Variants in DLG2 observed in about 807,000 individuals in gnomAD.
The protein encoded by DLG2 is discs large MAGUK scaffold protein 2.
In DLG2, 45 loss-of-function variants were observed where a neutral mutation model predicts 132.5. That is an observed-to-expected ratio of 0.34 (90% CI 0.27 to 0.44). The LOEUF (loss-of-function observed/expected upper bound fraction) is 0.44, where lower values mean the gene tolerates loss of function less well. DLG2 is among the 20% of genes least tolerant of loss of function. The probability of loss-of-function intolerance (pLI) is 1.00; values close to 1 mark genes in which losing one functional copy is unlikely to be tolerated. For missense variants in DLG2, 1,045 were observed against 1,196.9 expected (o/e 0.87, Z 1.87); for synonymous variants, 424 against 419.6 (o/e 1.01, Z -0.13).
rs150050082 is a variant in DLG2 at position 85,601,861 on chromosome 11, T to G, written c.-92-3073A>C. Among the ~76,000 whole-genome samples, 7 of 152,342 alleles carry G rather than the reference T, an allele frequency of 4.6e-5. No homozygotes were observed. The East Asian group carries it at 1.3e-3, about 29-fold the overall frequency. On this transcript the variant is annotated intron_variant, in intron 2 of 27. Transcript: ENST00000376104. ...AAGATGTTTAGAATACCTCTGAACA[T>G]GGTAAGACTTCTTTAATCTTACTCC...
chr11:85,514,201 T>C (rs2094131639), intron 3 of DLG2, among the ~76,000 whole-genome samples: 2 of 151,988 alleles, frequency 1.3e-5, no homozygotes, highest in Non-Finnish European at 2.9e-5. Context: ...CTGTCTTTAA[T>C]CCTCACATCA....
chr11:84,310,236 A>G (rs907763101), intron 7 of DLG2, among the ~76,000 whole-genome samples: 1 of 152,162 alleles, frequency 6.6e-6, no homozygotes, highest in Non-Finnish European at 1.5e-5. Context: ...TTTTTGCAAG[A>G]CGCGGTGGAG....
chr11:83,895,684 C>T lies in DLG2; in HGVS notation c.1497-21196G>A, dbSNP rs182657536. ...CTATTGTTCTTTACCCAGCCTGCTG[C>T]TATTCATTCTTCAGGACTTATCTCA... On this transcript the variant is annotated intron_variant, in intron 15 of 27. Coordinates refer to ENST00000376104, the MANE Select transcript of DLG2 (RefSeq NM_001142699.3). Among the ~76,000 whole-genome samples the T allele has an allele frequency of 2.0e-5, 3 of 152,316 alleles. No homozygotes were observed. In the East Asian group the frequency reaches 5.8e-4, roughly 29 times the overall value.
At chr11:83,853,570 T>C (rs1485099635) in intron 16 of DLG2, among the ~76,000 whole-genome samples, 1 of 152,198 alleles carries the variant, frequency 6.6e-6, no homozygotes, top group Non-Finnish European at 1.5e-5. Context: ...TATAATCTTG[T>C]ACAATAAAAA....
chr11:85,556,246 A>G (rs2076936622), intron 3 of DLG2, among the ~76,000 whole-genome samples: 1 of 151,842 alleles, frequency 6.6e-6, no homozygotes, highest in African/African-American at 2.4e-5. Context: ...AATCTACTTC[A>G]TTTGAAATTT....
At chr11:83,533,630 G>A (rs865788818) in intron 20 of DLG2, among the ~76,000 whole-genome samples, 1 of 152,054 alleles carries the variant, frequency 6.6e-6, no homozygotes, top group Admixed American at 6.6e-5. Flanking sequence ...AAATTTCAGG[G>A]GGATTTTTCA....
At position 83,709,750 on chromosome 11, in the gene DLG2, T is replaced by C. The variant is rs61429484; in HGVS notation, c.1826-76425A>G. Among the ~76,000 whole-genome samples the C allele has an allele frequency of 5.5e-3, 831 of 152,328 alleles. 7 individuals are homozygous for C. Among genetic ancestry groups the C allele is most frequent in the African/African-American group, 0.019 (809 of 41,574 alleles). On this transcript the variant is annotated intron_variant, in intron 18 of 27. Transcript: ENST00000376104. Reference sequence around the variant, plus strand: ...ACAGGTCTTCAGAAGCAGAACTTGATGTATCTGGAAGTGATCCCCCCCAAG... The same window carrying C: ...ACAGGTCTTCAGAAGCAGAACTTGACGTATCTGGAAGTGATCCCCCCCAAG...
At chr11:85,036,958 T>A (rs1015440590) in intron 6 of DLG2, among the ~76,000 whole-genome samples, 21 of 152,180 alleles carry the variant, frequency 1.4e-4, no homozygotes, top group Non-Finnish European at 2.4e-4. Context: ...CTCTGTTTGT[T>A]CTCAGAAGTA....
intron 18 of DLG2, among the ~76,000 whole-genome samples, chr11:83,746,345 A>C (rs1404333704): frequency 6.6e-6 from 1 of 152,216 alleles, no homozygotes; most frequent in Non-Finnish European, 1.5e-5. Context: ...CAACAATGAT[A>C]GACTGGATTA....
intron 9 of DLG2, among the ~76,000 whole-genome samples, chr11:84,113,646 G>C (rs1225060732): frequency 6.6e-6 from 1 of 151,970 alleles, no homozygotes; most frequent in Admixed American, 6.5e-5. Context: ...ACTATTTTTT[G>C]ATATTATATA....
At chr11:85,375,949 G>A (rs377316083) in intron 3 of DLG2, among the ~76,000 whole-genome samples, 2 of 152,126 alleles carry the variant, frequency 1.3e-5, no homozygotes, top group South Asian at 4.1e-4. Flanking sequence ...CCACATGTTA[G>A]AAAATAAGTC....
intron 7 of DLG2, among the ~76,000 whole-genome samples, chr11:84,301,120 G>A (rs1005032958): frequency 6.6e-6 from 1 of 152,094 alleles, no homozygotes; most frequent in African/African-American, 2.4e-5. Context: ...CACGAGAAGT[G>A]TAGTCAAAAG....
At chr11:83,737,402 A>G (rs1427916754) in intron 18 of DLG2, among the ~76,000 whole-genome samples, 1 of 152,244 alleles carries the variant, frequency 6.6e-6, no homozygotes, top group East Asian at 1.9e-4. Context: ...ATGAACTTTC[A>G]TATTGATTGG....
intron 6 of DLG2, among the ~76,000 whole-genome samples, chr11:85,048,691 T>C (rs566292235): frequency 1.3e-5 from 2 of 152,092 alleles, no homozygotes; most frequent in East Asian, 3.9e-4. Flanking sequence ...GTCGGGACAA[T>C]GTAAATTAGG....
intron 7 of DLG2, among the ~76,000 whole-genome samples, chr11:84,463,769 T>C (rs2099086708): frequency 6.6e-6 from 1 of 151,174 alleles, no homozygotes; most frequent in Non-Finnish European, 1.5e-5. Context: ...ATGTTGTACC[T>C]GGAAGAAAAT....
At chr11:84,861,841 C>A (rs904450265) in intron 6 of DLG2, among the ~76,000 whole-genome samples, 3 of 151,878 alleles carry the variant, frequency 2.0e-5, no homozygotes, top group Non-Finnish European at 2.9e-5. Flanking sequence ...ATGAGAACAA[C>A]AAACATATGA....
chr11:84,573,625 G>C (rs368388317), intron 6 of DLG2, among the ~76,000 whole-genome samples: 1 of 152,044 alleles, frequency 6.6e-6, no homozygotes, highest in African/African-American at 2.4e-5. Context: ...CACCATTCAG[G>C]TAAAGAACTA....
chr11:84,591,316 T>G (rs2099542709), intron 6 of DLG2, among the ~76,000 whole-genome samples: 1 of 141,702 alleles, frequency 7.1e-6, no homozygotes, highest in African/African-American at 2.9e-5. Context: ...CATGCCTTGT[T>G]TTTTTTTTTT....
chr11:84,935,577 A>T (rs1329815538), intron 6 of DLG2, among the ~76,000 whole-genome samples: 1 of 152,174 alleles, frequency 6.6e-6, no homozygotes, highest in African/African-American at 2.4e-5. Flanking sequence ...GTCAACCAGG[A>T]GTAATCTCAC....
Sources: allele counts gnomAD v4.1 joint callset (sites outside exome capture counted in the v4.1 genomes callset), GRCh38; gene constraint gnomAD v4.1.1; transcripts MANE v1.5; gene names NCBI Gene and HGNC (gene_info 2026-07-23, HGNC 2026-07-21).